Variants in ZC3H12B observed in about 807,000 individuals in gnomAD.
ZC3H12B encodes probable ribonuclease ZC3H12B.
A neutral mutation model predicts 43.9 loss-of-function variants in ZC3H12B; 7 were observed. The ratio of observed to expected loss-of-function variants is 0.16; its 90% CI spans 0.09 to 0.30. ZC3H12B has a LOEUF of 0.30. ZC3H12B is among the 10% of genes least tolerant of loss of function. ZC3H12B has a pLI of 1.00. For missense variants in ZC3H12B, 475 were observed against 670.2 expected (o/e 0.71, Z 3.22); for synonymous variants, 222 against 241.7 (o/e 0.92, Z 0.76).
the ZC3H12B span, among the ~76,000 whole-genome samples, chrX:65,095,660 G>A: frequency 1.8e-5 from 2 of 111,859 alleles, no homozygotes; most frequent in Non-Finnish European, 3.8e-5. Context: ...ATATGTCAGA[G>A]CATTCTGTTA....
At chrX:65,178,649 CAT>C in the ZC3H12B span, among the ~76,000 whole-genome samples, 2 of 112,436 alleles carry the variant, frequency 1.8e-5, no homozygotes, top group African/African-American at 3.2e-5. Flanking sequence ...TGCCAAGAAA[CAT>C]ATGAAGAAAA....
At chrX:65,261,259 A>T in the ZC3H12B span, among the ~76,000 whole-genome samples, 37 of 111,784 alleles carry the variant, frequency 3.3e-4, no homozygotes, top group African/African-American at 1.1e-3. Flanking sequence ...TTCTGACACT[A>T]AATTTGAAAG....
intron 3 of ZC3H12B, among the ~76,000 whole-genome samples, chrX:65,449,997 C>A (rs2067447887): frequency 9.0e-6 from 1 of 110,849 alleles, no homozygotes; most frequent in Non-Finnish European, 1.9e-5. Context: ...ACCCCAAAAG[C>A]TATTGAAATA....
the ZC3H12B span, chrX:65,185,953 T>C: frequency 9.0e-6 from 1 of 111,495 alleles, no homozygotes; most frequent in East Asian, 2.8e-4. Context: ...TTTCCCAAAA[T>C]CTATATTAGC....
At chrX:65,459,212 T>C (rs1442112662) in intron 3 of ZC3H12B, among the ~76,000 whole-genome samples, 1 of 111,873 alleles carries the variant, frequency 8.9e-6, no homozygotes, top group East Asian at 2.8e-4. Context: ...GAGGCAATAA[T>C]TAATAGCTTA....
intron 1 of ZC3H12B, among the ~76,000 whole-genome samples, chrX:65,492,422 A>G (rs1044676285): frequency 5.3e-5 from 6 of 112,315 alleles, no homozygotes; most frequent in African/African-American, 1.9e-4. Context: ...GATCTCCTGT[A>G]TGAGTTACTT....
chrX:65,334,827 A>G, the ZC3H12B span, among the ~76,000 whole-genome samples: 2 of 111,672 alleles, frequency 1.8e-5, no homozygotes, highest in Non-Finnish European at 3.8e-5. Context: ...CCAAAAAGAG[A>G]AATGCTATGA....
intron 3 of ZC3H12B, among the ~76,000 whole-genome samples, chrX:65,413,923 A>G (rs1440119462): frequency 8.9e-6 from 1 of 112,099 alleles, no homozygotes; most frequent in East Asian, 2.8e-4. Flanking sequence ...CATTTTATGA[A>G]CACAGTATGT....
chrX:65,222,073 A>G, the ZC3H12B span, among the ~76,000 whole-genome samples: 1 of 111,971 alleles, frequency 8.9e-6, no homozygotes, highest in Admixed American at 9.5e-5. Context: ...GTAATACACC[A>G]CATAAACAGA....
the ZC3H12B span, among the ~76,000 whole-genome samples, chrX:65,203,291 C>A: frequency 3.6e-5 from 4 of 111,800 alleles, no homozygotes; most frequent in Admixed American, 3.8e-4. Context: ...TTTTCTAAAG[C>A]AGAAGGAGTC....
At chrX:65,359,141 T>G in the ZC3H12B span, among the ~76,000 whole-genome samples, 1 of 110,690 alleles carries the variant, frequency 9.0e-6, no homozygotes, top group East Asian at 2.8e-4. Flanking sequence ...TTAGGCCTAC[T>G]GTTGAGACTG....
At chrX:65,431,638 G>A (rs1462252944) in intron 3 of ZC3H12B, among the ~76,000 whole-genome samples, 3 of 112,316 alleles carry the variant, frequency 2.7e-5, no homozygotes, top group African/African-American at 6.5e-5. Flanking sequence ...ACACTTTGAT[G>A]AGCATTCACA....
the ZC3H12B span, among the ~76,000 whole-genome samples, chrX:65,353,454 C>A: frequency 8.9e-6 from 1 of 112,026 alleles, no homozygotes; most frequent in Non-Finnish European, 1.9e-5. Context: ...CACTAGACAT[C>A]ATTAAACTTA....
the ZC3H12B span, among the ~76,000 whole-genome samples, chrX:65,312,880 GT>G: frequency 1.8e-5 from 2 of 110,419 alleles, no homozygotes; most frequent in African/African-American, 3.3e-5. Context: ...TTTGTTTTTT[GT>G]TTTTTTTGTT....
At chrX:65,064,150 C>T in the ZC3H12B span, among the ~76,000 whole-genome samples, 1 of 111,690 alleles carries the variant, frequency 9.0e-6, no homozygotes, top group African/African-American at 3.3e-5. Context: ...GTCTCTATCT[C>T]CTTCAGTTCT....
chrX:65,130,748 G>A, the ZC3H12B span, among the ~76,000 whole-genome samples: 1 of 111,878 alleles, frequency 8.9e-6, no homozygotes, highest in African/African-American at 3.2e-5. Context: ...AGAACCATTT[G>A]CCTTGTTTGG....
the ZC3H12B span, among the ~76,000 whole-genome samples, chrX:65,155,869 A>AT: frequency 9.1e-6 from 1 of 110,213 alleles, no homozygotes; most frequent in Non-Finnish European, 1.9e-5. Context: ...AAAAAAAAAA[A>AT]GTTGGAAATT....
intron 3 of ZC3H12B, among the ~76,000 whole-genome samples, chrX:65,406,278 TA>T (rs1286367904): frequency 8.9e-4 from 90 of 100,819 alleles, no homozygotes; most frequent in Non-Finnish European, 9.3e-4. Flanking sequence ...AATGTTACAT[TA>T]AAAAAAAAAA....
the ZC3H12B span, among the ~76,000 whole-genome samples, chrX:65,110,728 C>T: frequency 1.8e-5 from 2 of 111,438 alleles, no homozygotes; most frequent in Non-Finnish European, 3.8e-5. Flanking sequence ...TTTATCTTTC[C>T]ATATACATTT....
Sources: allele counts gnomAD v4.1 joint callset (sites outside exome capture counted in the v4.1 genomes callset), GRCh38; gene constraint gnomAD v4.1.1; transcripts MANE v1.5; gene names NCBI Gene and HGNC (gene_info 2026-07-23, HGNC 2026-07-21).